The following SLC4A7 variants were observed in gnomAD, a reference collection of about 807,000 sequenced individuals.
SLC4A7 encodes the protein solute carrier family 4 member 7.
A neutral mutation model predicts 137.6 loss-of-function variants in SLC4A7; 51 were observed. The ratio of observed to expected loss-of-function variants is 0.37; its 90% CI spans 0.30 to 0.47. The LOEUF (loss-of-function observed/expected upper bound fraction) is 0.47, where lower values mean the gene tolerates loss of function less well. Ranked by LOEUF, SLC4A7 falls within the 20% of genes least tolerant of loss-of-function variation. The probability of loss-of-function intolerance (pLI) is 1.00; values close to 1 mark genes in which losing one functional copy is unlikely to be tolerated. For synonymous variants in SLC4A7, 542 were observed against 518.6 expected, an observed-to-expected ratio of 1.05 and a Z score of -0.61; for missense variants, 1,247 against 1,525.4, an observed-to-expected ratio of 0.82 and a Z score of 3.04.
At chr3:27,461,083 G>A (rs554813811) in intron 1 of SLC4A7, among the ~76,000 whole-genome samples, 5 of 152,262 alleles carry the variant, frequency 3.3e-5, no homozygotes, top group Admixed American at 2.0e-4. Context: ...AGATTCCACT[G>A]TCTATAGGAA....
intron 11 of SLC4A7, 114 bp from the exon 12 acceptor site, chr3:27,411,862 T>G: frequency 2.3e-6 from 1 of 432,314 alleles, no homozygotes; most frequent in Non-Finnish European, 4.1e-6. Flanking sequence ...TAATCAGTTC[T>G]CCTAGAAAAG....
chr3:27,437,704 GAA>G (rs1164904868), intron 3 of SLC4A7, among the ~76,000 whole-genome samples, 178 bp from the exon 4 acceptor site: 2 of 124,986 alleles, frequency 1.6e-5, no homozygotes, highest in African/African-American at 3.0e-5. Flanking sequence ...AACAATCCAG[GAA>G]AAAAAAAAAA....
rs1576019541 is a variant in SLC4A7 at position 27,375,916 on chromosome 3, T to C, written c.*848A>G. ...TCAAGAACTTGAACCTGATGGAAAC[T>C]AAAGCATTTTAAGACAAAGAGAGAC... is the stretch of plus-strand genomic sequence containing the variant. On this transcript the variant is annotated 3_prime_UTR_variant, in exon 26 of 26. Coordinates refer to ENST00000454389, the MANE Select transcript of SLC4A7 (RefSeq NM_001321103.2). The C allele has an allele frequency of 6.6e-6, 1 of 151,996 alleles. No individual in the cohort carries two copies. Among genetic ancestry groups the C allele is most frequent in the Admixed American group, 6.6e-5 (1 of 15,260 alleles). The allele number at this position is 151,996 out of a possible 1,614,324, so 9.4% of individuals were successfully genotyped here. A position where few individuals can be genotyped will look rare whatever the true frequency, so the allele number is the denominator to read the frequency against.
chr3:27,390,211 C>T, intron 21 of SLC4A7, 107 bp from the exon 22 acceptor site: 1 of 437,584 alleles, frequency 2.3e-6, no homozygotes, highest in Non-Finnish European at 4.0e-6. Context: ...TTGTAACTTC[C>T]TTGACATTTT....
At chr3:27,447,209 C>T (rs2057725250) in intron 3 of SLC4A7, among the ~76,000 whole-genome samples, 1 of 151,936 alleles carries the variant, frequency 6.6e-6, no homozygotes, top group South Asian at 2.1e-4. Flanking sequence ...TAATAGATTC[C>T]TGTCAGTCTC....
chr3:27,389,584 T>C (rs2051321200), intron 22 of SLC4A7, among the ~76,000 whole-genome samples: 1 of 152,182 alleles, frequency 6.6e-6, no homozygotes, highest in Non-Finnish European at 1.5e-5. Context: ...GAAAAAGATA[T>C]ATCAAAGTAT....
intron 5 of SLC4A7, among the ~76,000 whole-genome samples, chr3:27,436,091 T>C (rs1211548252): frequency 2.6e-5 from 4 of 152,228 alleles, no homozygotes; most frequent in Non-Finnish European, 5.9e-5. Flanking sequence ...GTACAATTAA[T>C]GTTCTCTGTG....
chr3:27,477,595 T>C (rs2059516030), intron 1 of SLC4A7, among the ~76,000 whole-genome samples: 1 of 152,160 alleles, frequency 6.6e-6, no homozygotes, highest in African/African-American at 2.4e-5. Flanking sequence ...TGTCTTTATG[T>C]ATTATAAGGT....
At position 27,376,832 on chromosome 3, in the gene SLC4A7, C is replaced by A. The variant is rs540360960; in HGVS notation, c.3712G>T (p.Val1238Leu). The A allele has an allele frequency of 1.2e-5, 19 of 1,565,766 alleles. No homozygotes were observed. The South Asian group carries it at 2.1e-4, about 17-fold the overall frequency. ...TCTTCAAAACTTATTTTCACACTCA[C>A]AGGTTTATCAGGACTATTTAAAACA... is the stretch of plus-strand genomic sequence containing the variant. ...TRSNMSPDKP[V>L]SVKISFEDEP... The change falls in exon 26 of 26, where the codon GTG becomes TTG. Residue 1238 changes from valine to leucine, a missense_variant. Val to Leu is a conservative substitution (Grantham distance 32, BLOSUM62 1). Around this residue, in one of 6 missense-constraint regions of SLC4A7, gnomAD observed 290 missense variants for 323.8 expected, o/e 0.90. Coordinates refer to ENST00000454389, the MANE Select transcript of SLC4A7 (RefSeq NM_001321103.2).
chr3:27,419,302 C>T (rs916866469), intron 10 of SLC4A7, among the ~76,000 whole-genome samples: 5 of 151,938 alleles, frequency 3.3e-5, no homozygotes, highest in East Asian at 4.0e-4. Context: ...GGCACGGTGG[C>T]TCATGCCTGT....
chr3:27,484,081 G>T lies in SLC4A7; in HGVS notation c.46C>A (p.Arg16=). ...AGEQMRPLLT[R]VTSRGPDEEA... ...GGCGCCCTCACCCTGCTCGTTACCCGGGTGAGTAGCGGTCTCATCTGCTCG... is the reference window on the plus strand; with the variant it reads ...GGCGCCCTCACCCTGCTCGTTACCCTGGTGAGTAGCGGTCTCATCTGCTCG... The change falls in exon 1 of 26, where the codon CGG becomes AGG. Residue 16 remains arginine (R), a synonymous_variant. Transcript: ENST00000454389. 7.1e-7 allele frequency: 1 copy of T among 1,409,122 alleles called. No homozygotes were observed. Among genetic ancestry groups the T allele is most frequent in the Non-Finnish European group, 9.3e-7 (1 of 1,077,640 alleles). 87.3% of individuals were successfully genotyped at this position (1,409,122 alleles called of 1,614,324 possible). A position where few individuals can be genotyped will look rare whatever the true frequency, so the allele number is the denominator to read the frequency against.
At chr3:27,440,525 C>T (rs1276991038) in intron 3 of SLC4A7, among the ~76,000 whole-genome samples, 1 of 151,406 alleles carries the variant, frequency 6.6e-6, no homozygotes, top group East Asian at 2.0e-4. Flanking sequence ...GTCAGGAGTT[C>T]GAGACCAGCC....
In SLC4A7 at chr3:27,418,575, C is replaced by G; in HGVS notation, c.1570G>C (p.Asp524His). Reference protein sequence around the residue: ...KDRNDLLSGIDEFLDQVTVLP... With the variant: ...KDRNDLLSGIHEFLDQVTVLP... ...ACAGTTACTTGATCTAAAAATTCAT[C>G]AATTCCAGATAAGAGGTCATTTCTG... The change falls in exon 11 of 26, where the codon GAT becomes CAT. Residue 524 changes from aspartate (D) to histidine (H), a missense_variant. Physicochemically the swap from Asp to His is moderately conservative, Grantham distance 81 (BLOSUM62 -1). This residue lies in a region of SLC4A7 where 499 missense variants were observed against 664.2 expected (regional missense o/e 0.75). Transcript: ENST00000454389. The G allele has an allele frequency of 1.2e-6, 2 of 1,603,204 alleles. No individual in the cohort carries two copies. Among genetic ancestry groups the G allele is most frequent in the Non-Finnish European group, 1.7e-6 (2 of 1,170,274 alleles).
At chr3:27,464,703 G>A (rs1411202247) in intron 1 of SLC4A7, among the ~76,000 whole-genome samples, 1 of 150,990 alleles carries the variant, frequency 6.6e-6, no homozygotes, top group Admixed American at 6.6e-5. Flanking sequence ...AAAAAAAAAA[G>A]CCAGCCAGCC....
chr3:27,480,977 A>G (rs1339382327), intron 1 of SLC4A7, among the ~76,000 whole-genome samples: 1 of 152,210 alleles, frequency 6.6e-6, no homozygotes, highest in Admixed American at 6.5e-5. Context: ...TTTAATAAAT[A>G]TGTGCAAAAT....
At chr3:27,404,481 A>T (rs1276728667) in intron 14 of SLC4A7, among the ~76,000 whole-genome samples, 1 of 152,240 alleles carries the variant, frequency 6.6e-6, no homozygotes, top group East Asian at 1.9e-4. Flanking sequence ...AACCTCACCG[A>T]TGGAAACTGA....
chr3:27,437,478 T>C lies in SLC4A7; in HGVS notation c.338A>G (p.Asp113Gly), dbSNP rs990695383. The C allele has an allele frequency of 6.3e-7, 1 of 1,597,900 alleles. No homozygotes were observed. Among genetic ancestry groups the C allele is most frequent in the Non-Finnish European group, 8.6e-7 (1 of 1,169,102 alleles). ...VQFILGTEDDDEEHIPHDLFT... is the reference protein window; with the variant it reads ...VQFILGTEDDGEEHIPHDLFT... Reference sequence around the variant, plus strand: ...GAGATCATGGGGAATATGTTCTTCATCATCATCTTCAGTACCAAGGATAAA... The same window carrying C: ...GAGATCATGGGGAATATGTTCTTCACCATCATCTTCAGTACCAAGGATAAA... The change falls in exon 4 of 26, where the codon GAT becomes GGT. Residue 113 changes from aspartate to glycine, a missense_variant. By Grantham distance (94) the Asp-to-Gly change is moderately conservative. This residue lies in a region of SLC4A7 where 176 missense variants were observed against 186.4 expected (regional missense o/e 0.94). Transcript: ENST00000454389.
chr3:27,457,434 C>T (rs1025385658), intron 1 of SLC4A7, among the ~76,000 whole-genome samples: 2 of 151,962 alleles, frequency 1.3e-5, no homozygotes, highest in Non-Finnish European at 2.9e-5. Context: ...TGTGATCTGC[C>T]CTTGGTTAAA....
chr3:27,388,721 T>C (rs2051227321), intron 22 of SLC4A7, among the ~76,000 whole-genome samples: 1 of 152,124 alleles, frequency 6.6e-6, no homozygotes, highest in South Asian at 2.1e-4. Context: ...AATTTGATGG[T>C]AGAAAACAAT....
Sources: gnomAD v4.1 joint callset for allele counts (sites outside exome capture counted in the v4.1 genomes callset) on GRCh38, gnomAD v4.1.1 for gene constraint, gnomAD v4.1.1 regional missense constraint, MANE v1.5 for transcripts, NCBI Gene and HGNC (gene_info 2026-07-23, HGNC 2026-07-21) for gene names.